Variants in AP5B1 observed in about 807,000 individuals in gnomAD.
AP5B1 encodes adaptor related protein complex 5 subunit beta 1.
A neutral mutation model predicts 5.7 loss-of-function variants in AP5B1; 3 were observed. The ratio of observed to expected loss-of-function variants is 0.53; its 90% CI spans 0.24 to 1.36. The LOEUF is 1.36. Ranked by LOEUF, AP5B1 falls within the 40% of genes most tolerant of loss-of-function variation. The pLI is 0.17. For synonymous variants in AP5B1, 696 were observed against 555.5 expected (o/e 1.25, Z -3.56); for missense variants, 1,310 against 1,143.2 (o/e 1.15, Z -2.10).
At position 65,774,209 on chromosome 11, in the gene AP5B1, G is replaced by T. The variant is rs1171546754; in HGVS notation, c.*3647C>A. ...CCACGAGGTGGCATCTGTTCAGTCG[G>T]TGGGGTTTTAGGATTTTTAGTTTAC... On this transcript the variant is annotated 3_prime_UTR_variant, in exon 2 of 2. Coordinates refer to ENST00000532090, the MANE Select transcript of AP5B1 (RefSeq NM_138368.5). Among the ~76,000 whole-genome samples the T allele has an allele frequency of 1.3e-5, 2 of 152,226 alleles. No individual in the cohort carries two copies. Among genetic ancestry groups the T allele is most frequent in the African/African-American group, 4.8e-5 (2 of 41,450 alleles).
intron 1 of AP5B1, 31 bp downstream of exon 1, chr11:65,780,411 G>A (rs1049589498): frequency 1.8e-5 from 26 of 1,472,612 alleles, no homozygotes; most frequent in Non-Finnish European, 2.2e-5. Flanking sequence ...GTGACCCTGC[G>A]GAACGGCGCA....
chr11:65,775,767 A>C lies in AP5B1; in HGVS notation c.*2089T>G, dbSNP rs889655920. On this transcript the variant is annotated 3_prime_UTR_variant, in exon 2 of 2. Coordinates refer to ENST00000532090, the MANE Select transcript of AP5B1 (RefSeq NM_138368.5). ...CAGCTGGAGAAGTTTCTGTTTCCTG[A>C]AACTGACCCCTTCCTGATTTGGAAA... is the stretch of plus-strand genomic sequence containing the variant. 1 of 152,206 alleles carries C rather than the reference A, an allele frequency of 6.6e-6. No individual in the cohort carries two copies. Among genetic ancestry groups the C allele is most frequent in the Non-Finnish European group, 1.5e-5 (1 of 68,030 alleles). 9.4% of individuals were successfully genotyped at this position (152,206 alleles called of 1,614,324 possible).
Position 65,779,245 on chromosome 11 carries a change from C to A in AP5B1, c.1248G>T (p.Leu416=). ...CGGCACAGAGCAGGCACAGTAAATG[C>A]AGGCGGGCCAGGAGGGCCATTGGGT... ...LHDPMALLAR[L]HLLCLLCAEE... The change falls in exon 2 of 2, where the codon CTG becomes CTT. Residue 416 remains leucine (L), a synonymous_variant. Coordinates refer to ENST00000532090, the MANE Select transcript of AP5B1 (RefSeq NM_138368.5). 6.3e-7 allele frequency: 1 copy of A among 1,592,804 alleles called. No homozygotes were observed. Among genetic ancestry groups the A allele is most frequent in the Non-Finnish European group, 8.6e-7 (1 of 1,168,596 alleles).
In AP5B1 at chr11:65,780,026, TCTCGCAGGCA is replaced by T. The variant is rs759800389; in HGVS notation, c.457_466del (p.Cys153SerfsTer2). 2 of 1,558,054 alleles carry T rather than the reference TCTCGCAGGCA, an allele frequency of 1.3e-6. No individual in the cohort carries two copies. Among genetic ancestry groups the T allele is most frequent in the South Asian group, 1.2e-5 (1 of 85,362 alleles). ...CAGCCCGGGCTTGCAGCTCTCTAGC[TCTCGCAGGCA>T]CTCGCAGGCCGTGGCCTGCAAGGGG... is the stretch of plus-strand genomic sequence containing the variant. On this transcript the variant is annotated frameshift_variant, in exon 2 of 2. Coordinates refer to ENST00000532090, the MANE Select transcript of AP5B1 (RefSeq NM_138368.5). LOFTEE classifies it low-confidence loss of function (END_TRUNC).
Position 65,778,265 on chromosome 11 carries a change from A to T in AP5B1, c.2228T>A (p.Leu743His), listed in dbSNP as rs754671547. 1.2e-6 allele frequency: 2 copies of T among 1,613,304 alleles called. No homozygotes were observed. Among genetic ancestry groups the T allele is most frequent in the South Asian group, 2.2e-5 (2 of 91,090 alleles). The change falls in exon 2 of 2, where the codon CTT (leucine) becomes CAT (histidine). Residue 743 changes from leucine (L) to histidine (H), a missense_variant. By Grantham distance (99) the Leu-to-His change is moderately conservative. Transcript: ENST00000532090. ...PAPARLDVHALYTTSTGLTCH... is the reference protein window; with the variant it reads ...PAPARLDVHAHYTTSTGLTCH... ...CGTGAGACCAGTGGATGTGGTGTAA[A>T]GGGCATGGACATCCAGCCGTGCGGG...
chr11:65,779,737 AC>A lies in AP5B1; in HGVS notation c.755del (p.Arg252LeufsTer20). ...GGCTGTGCTCTCGTGCTGTAAGGCT[AC>A]GCTCCCCCTCTCCCTCCTCAGCTGC... ...WPAAEEGEGE[R>X]SLTAREHSPE... On this transcript the variant is annotated frameshift_variant, in exon 2 of 2. Transcript: ENST00000532090. LOFTEE classifies it low-confidence loss of function (END_TRUNC). 3.1e-6 allele frequency: 5 copies of A among 1,601,104 alleles called. No homozygotes were observed. Among genetic ancestry groups the A allele is most frequent in the Admixed American group, 1.7e-5 (1 of 58,084 alleles).
In AP5B1 at chr11:65,779,371, G is replaced by A. The variant is rs1857812810; in HGVS notation, c.1122C>T (p.Ser374=). The A allele has an allele frequency of 6.3e-7, 1 of 1,596,960 alleles. No homozygotes were observed. Among genetic ancestry groups the A allele is most frequent in the Non-Finnish European group, 8.5e-7 (1 of 1,170,548 alleles). Residue 374 remains serine (S), a synonymous_variant, in exon 2 of 2, where the codon AGC becomes AGT. Coordinates refer to ENST00000532090, the MANE Select transcript of AP5B1 (RefSeq NM_138368.5). ...THLFYLHCVL[S]FPENWPLGPE... ...GGCCCAGCGGCCAGTTCTCAGGGAA[G>A]CTCAGGACGCAGTGAAGGTAAAAGA...
At position 65,777,736 on chromosome 11, in the gene AP5B1, C is replaced by T; in HGVS notation, c.*120G>A. 8.0e-7 allele frequency: 1 copy of T among 1,250,490 alleles called. No individual in the cohort carries two copies. The highest frequency in any genetic ancestry group is 2.6e-5 in the East Asian group (1 of 38,804). 77.5% of individuals were successfully genotyped at this position (1,250,490 alleles called of 1,614,324 possible). A position where few individuals can be genotyped will look rare whatever the true frequency, so the allele number is the denominator to read the frequency against. The stretch of plus-strand genomic sequence containing the variant: ...CCAGGAGCCTGCTCCCAACCGGGGC[C>T]CAAAAGAAAACAAGCCAGCGAGGGC... On this transcript the variant is annotated 3_prime_UTR_variant, in exon 2 of 2. Transcript: ENST00000532090.
In AP5B1 at chr11:65,780,016, G is replaced by C. The variant is rs781250846; in HGVS notation, c.477C>G (p.Ser159Arg). The C allele has an allele frequency of 1.3e-6, 2 of 1,559,326 alleles. No homozygotes were observed. Among genetic ancestry groups the C allele is most frequent in the Admixed American group, 1.9e-5 (1 of 51,966 alleles). ...AGCCCCCCAGCAGCCCGGGCTTGCA[G>C]CTCTCTAGCTCTCGCAGGCACTCGC... ...TACECLRELESCKPGLLGGSL... is the reference protein window; with the variant it reads ...TACECLRELERCKPGLLGGSL... Residue 159 changes from serine to arginine, a missense_variant, in exon 2 of 2, where the codon AGC (serine) becomes AGG (arginine). Transcript: ENST00000532090.
chr11:65,780,740 GAGACC>G lies in AP5B1; in HGVS notation c.-154_-150del. On this transcript the variant is annotated 5_prime_UTR_variant, in exon 1 of 2. Coordinates refer to ENST00000532090, the MANE Select transcript of AP5B1 (RefSeq NM_138368.5). ...GGGACCCGCGCCCGGCTCCCACGGT[GAGACC>G]AGGGCTCTCGGGGCCGACGCCAGAG... 1 of 827,182 alleles carries G rather than the reference GAGACC, an allele frequency of 1.2e-6. No homozygotes were observed. The highest frequency in any genetic ancestry group is 3.5e-5 in the East Asian group (1 of 28,354). 51.2% of individuals were successfully genotyped at this position (827,182 alleles called of 1,614,324 possible). A position where few individuals can be genotyped will look rare whatever the true frequency, so the allele number is the denominator to read the frequency against.
At position 65,780,317 on chromosome 11, in the gene AP5B1, T is replaced by A; in HGVS notation, c.176A>T (p.Glu59Val). The A allele has an allele frequency of 2.7e-6, 4 of 1,485,508 alleles. No homozygotes were observed. Among genetic ancestry groups the A allele is most frequent in the Non-Finnish European group, 3.6e-6 (4 of 1,119,922 alleles). 92.0% of individuals were successfully genotyped at this position (1,485,508 alleles called of 1,614,324 possible). A position where few individuals can be genotyped will look rare whatever the true frequency, so the allele number is the denominator to read the frequency against. ...GTCGGGCCACAGCTGCGCAGGGTAC[T>A]CCATGCTCAGGGCCAGCAGGGAAAC... ...TKVSLLALSMEYPAQLWPDAS... is the reference protein window; with the variant it reads ...TKVSLLALSMVYPAQLWPDAS... Residue 59 changes from glutamate to valine, a missense_variant, in exon 2 of 2, where the codon GAG becomes GTG. Physicochemically the swap from Glu to Val is moderately radical, Grantham distance 121. Coordinates refer to ENST00000532090, the MANE Select transcript of AP5B1 (RefSeq NM_138368.5).
Position 65,775,268 on chromosome 11 carries a change from G to A in AP5B1, c.*2588C>T, listed in dbSNP as rs489574. Among the ~76,000 whole-genome samples the A allele has an allele frequency of 0.28, 43,105 of 152,066 alleles. 6,413 individuals carry two copies. Among genetic ancestry groups the A allele is most frequent in the Non-Finnish European group, 0.34 (23,080 of 67,966 alleles). ...AATGGATGGATAAAATGGGATGGAT[G>A]CACAAGTGGGCAGACAGATGGGTGA... is the stretch of plus-strand genomic sequence containing the variant. On this transcript the variant is annotated 3_prime_UTR_variant, in exon 2 of 2. Transcript: ENST00000532090.
In AP5B1 at chr11:65,775,579, T is replaced by C. The variant is rs368393118; in HGVS notation, c.*2277A>G. ...AGGCAGGAGTGGCAGTCCCACCCCATGTCCCAGGGCCCAAGCCCAGCTTCC... is the reference window on the plus strand; with the variant it reads ...AGGCAGGAGTGGCAGTCCCACCCCACGTCCCAGGGCCCAAGCCCAGCTTCC... On this transcript the variant is annotated 3_prime_UTR_variant, in exon 2 of 2. Coordinates refer to ENST00000532090, the MANE Select transcript of AP5B1 (RefSeq NM_138368.5). Among the ~76,000 whole-genome samples, 1 of 152,166 alleles carries C rather than the reference T, an allele frequency of 6.6e-6. No homozygotes were observed. The highest frequency in any genetic ancestry group is 1.9e-4 in the East Asian group (1 of 5,192).
rs1003971801 is a variant in AP5B1 at position 65,777,457 on chromosome 11, G to A, written c.*399C>T. The A allele has an allele frequency of 7.7e-5, 15 of 195,380 alleles. No homozygotes were observed. Among genetic ancestry groups the A allele is most frequent in the African/African-American group, 2.8e-4 (12 of 42,752 alleles). The allele number at this position is 195,380 out of a possible 1,614,324, so 12.1% of individuals were successfully genotyped here. On this transcript the variant is annotated 3_prime_UTR_variant, in exon 2 of 2. Coordinates refer to ENST00000532090, the MANE Select transcript of AP5B1 (RefSeq NM_138368.5). ...AGATTAGACCCTAAGAGGTGGTCAG[G>A]CCACGAGGGCTCTGCCCTCCTGCGT...
At position 65,780,506 on chromosome 11, in the gene AP5B1, C is replaced by A. The variant is rs769130156; in HGVS notation, c.86G>T (p.Gly29Val). The change falls in exon 1 of 2, where the codon GGG becomes GTG. Residue 29 changes from glycine (G) to valine (V), a missense_variant. Transcript: ENST00000532090. ...CAGCAGGTCGCGACCCAAATCCTCCCCCTCGGGACCTGCCATGAAGGCAGA... is the reference window on the plus strand; with the variant it reads ...CAGCAGGTCGCGACCCAAATCCTCCACCTCGGGACCTGCCATGAAGGCAGA... ...SPSAFMAGPE[G>V]EDLGRDLLSD... 1.3e-6 allele frequency: 2 copies of A among 1,519,850 alleles called. No homozygotes were observed. Among genetic ancestry groups the A allele is most frequent in the South Asian group, 2.4e-5 (2 of 81,768 alleles). The allele number at this position is 1,519,850 out of a possible 1,614,324, so 94.1% of individuals were successfully genotyped here.
At position 65,780,524 on chromosome 11, in the gene AP5B1, A is replaced by C. The variant is rs891535628; in HGVS notation, c.68T>G (p.Phe23Cys). Residue 23 changes from phenylalanine (F) to cysteine (C), a missense_variant, in exon 1 of 2, where the codon TTC becomes TGC. Phe to Cys is a radical substitution (Grantham distance 205). Transcript: ENST00000532090. ...LGAFRASPSA[F>C]MAGPEGEDLG... Reference sequence around the variant, plus strand: ...ATCCTCCCCCTCGGGACCTGCCATGAAGGCAGACGGGCTGGCCCGGAAGGC... The same window carrying C: ...ATCCTCCCCCTCGGGACCTGCCATGCAGGCAGACGGGCTGGCCCGGAAGGC... 9 of 1,515,712 alleles carry C rather than the reference A, an allele frequency of 5.9e-6. No homozygotes were observed. The highest frequency in any genetic ancestry group is 7.9e-6 in the Non-Finnish European group (9 of 1,138,602). The allele number at this position is 1,515,712 out of a possible 1,614,324, so 93.9% of individuals were successfully genotyped here.
chr11:65,775,300 GGT>G lies in AP5B1; in HGVS notation c.*2554_*2555del, dbSNP rs909100434. ...TGGGCAGACAGATGGGTGAAAGGAT[GGT>G]CAGTCCTTACATGGACCAGTTTCCT... On this transcript the variant is annotated 3_prime_UTR_variant, in exon 2 of 2. Coordinates refer to ENST00000532090, the MANE Select transcript of AP5B1 (RefSeq NM_138368.5). 1.3e-5 allele frequency among the ~76,000 whole-genome samples: 2 copies of G among 152,172 alleles called. No individual in the cohort carries two copies. The highest frequency in any genetic ancestry group is 4.8e-5 in the African/African-American group (2 of 41,422).
rs1213761913 is a variant in AP5B1, at chr11:65,779,464, A to G, written c.1029T>C (p.Asp343=). Residue 343 remains aspartate (D), a synonymous_variant, in exon 2 of 2, where the codon GAT becomes GAC. Transcript: ENST00000532090. ...TGAGCCGGCGGAGCAGCAACGCTTC[A>G]TCCTGGGCTGTGAACAAGGCCTCAC... ...AFGEALFTAQ[D]EALLLRRLTL... 1 of 1,604,598 alleles carries G rather than the reference A, an allele frequency of 6.2e-7. No homozygotes were observed. Among genetic ancestry groups the G allele is most frequent in the African/African-American group, 1.3e-5 (1 of 74,826 alleles).
rs185829767 is a variant in AP5B1, at chr11:65,774,333, C to T, written c.*3523G>A. Among the ~76,000 whole-genome samples the T allele has an allele frequency of 1.7e-3, 264 of 152,340 alleles. 1 individual carries two copies. Among genetic ancestry groups the T allele is most frequent in the African/African-American group, 6.1e-3 (255 of 41,572 alleles). ...TCCATCTCAACATGTACTTCCCCAA[C>T]GGTCATGGCAGAGGAAGAGAGGGCT... On this transcript the variant is annotated 3_prime_UTR_variant, in exon 2 of 2. Transcript: ENST00000532090.
Sources: gnomAD v4.1 joint callset for allele counts (sites outside exome capture counted in the v4.1 genomes callset) on GRCh38, gnomAD v4.1.1 for gene constraint, MANE v1.5 for transcripts, NCBI Gene and HGNC (gene_info 2026-07-23, HGNC 2026-07-21) for gene names.